Variants in STK39 observed in about 807,000 individuals in gnomAD.
STK39 encodes the protein serine/threonine kinase 39.
A neutral mutation model predicts 77.8 loss-of-function variants in STK39; 20 were observed. That is an observed-to-expected ratio of 0.26 (90% CI 0.18 to 0.37). The LOEUF is 0.37. Ranked by LOEUF, STK39 falls within the 10% of genes least tolerant of loss-of-function variation. STK39 has a pLI of 1.00. For missense variants in STK39, 479 were observed against 656.5 expected (o/e 0.73, Z 2.95); for synonymous variants, 246 against 234.1 (o/e 1.05, Z -0.47).
intron 12 of STK39, among the ~76,000 whole-genome samples, chr2:168,073,430 G>T (rs928016049): frequency 1.3e-5 from 2 of 152,248 alleles, no homozygotes. Context: ...CTTTTAGTAA[G>T]AAATACTCTT....
intron 10 of STK39, among the ~76,000 whole-genome samples, chr2:168,099,701 T>A (rs189238153): frequency 7.9e-5 from 12 of 152,364 alleles, no homozygotes; most frequent in Admixed American, 7.2e-4. Flanking sequence ...TCAGTTTCAC[T>A]GAATTGAGAA....
chr2:168,241,767 GCTAAGA>G (rs1477066830), intron 1 of STK39, among the ~76,000 whole-genome samples: 1 of 152,188 alleles, frequency 6.6e-6, no homozygotes, highest in Non-Finnish European at 1.5e-5. Flanking sequence ...AGAAGTTATG[GCTAAGA>G]CTAATTGAAA....
chr2:168,063,621 T>A, intron 13 of STK39, 51 bp from the exon 14 acceptor site: 1 of 1,505,156 alleles, frequency 6.6e-7, no homozygotes, highest in Non-Finnish European at 9.1e-7. Context: ...AGGAAAGGAA[T>A]GAATAAAATC....
intron 14 of STK39, among the ~76,000 whole-genome samples, chr2:168,022,022 T>C (rs1684584924): frequency 6.6e-6 from 1 of 152,298 alleles, no homozygotes; most frequent in East Asian, 1.9e-4. Context: ...GTATATCCAC[T>C]GTTCTGTATC....
rs200339272 is a variant in STK39 at position 168,008,722 on chromosome 2, TAG to T, written c.1498+3910_1498+3911del. 5.7e-3 allele frequency among the ~76,000 whole-genome samples: 872 copies of T among 152,016 alleles called. 4 individuals carry two copies. The highest frequency in any genetic ancestry group is 0.02 in the African/African-American group (832 of 41,478). On this transcript the variant is annotated intron_variant, in intron 16 of 17. Transcript: ENST00000355999. Reference sequence around the variant, plus strand: ...CTTGGACACATCAAGATTTATAGGTTAGAGAGATGAGGAGGAACCAACAAAAA... The same window carrying T: ...CTTGGACACATCAAGATTTATAGGTTAGAGATGAGGAGGAACCAACAAAAA...
intron 1 of STK39, among the ~76,000 whole-genome samples, chr2:168,197,110 T>C (rs893913191): frequency 2.6e-5 from 4 of 152,022 alleles, no homozygotes; most frequent in African/African-American, 9.7e-5. Flanking sequence ...GCCTGGTTGG[T>C]TAGGGTGTTG....
intron 10 of STK39, among the ~76,000 whole-genome samples, chr2:168,129,204 T>A (rs1232665685): frequency 6.6e-6 from 1 of 152,356 alleles, no homozygotes; most frequent in Non-Finnish European, 1.5e-5. Flanking sequence ...AAAGTGAGCA[T>A]GCCTCTTCTG....
chr2:168,102,746 G>A (rs975666228), intron 10 of STK39, among the ~76,000 whole-genome samples: 3 of 151,840 alleles, frequency 2.0e-5, no homozygotes, highest in African/African-American at 4.8e-5. Flanking sequence ...TGGCTAACAC[G>A]GTGAAACCCC....
chr2:168,154,170 T>C (rs1688366329), intron 5 of STK39, among the ~76,000 whole-genome samples: 1 of 152,180 alleles, frequency 6.6e-6, no homozygotes, highest in African/African-American at 2.4e-5. Context: ...TCGAGGAATA[T>C]CAAGATTTCT....
At chr2:167,973,475 A>G (rs746983109) in intron 16 of STK39, among the ~76,000 whole-genome samples, 5 of 152,244 alleles carry the variant, frequency 3.3e-5, no homozygotes, top group Non-Finnish European at 4.4e-5. Context: ...TTCTTGTCCT[A>G]AAGTAAAATA....
At chr2:168,200,389 G>T (rs1029405842) in intron 1 of STK39, among the ~76,000 whole-genome samples, 1 of 152,130 alleles carries the variant, frequency 6.6e-6, no homozygotes, top group African/African-American at 2.4e-5. Context: ...CTTAAGCTGG[G>T]CATGGTGACT....
At chr2:168,184,041 TC>T (rs930885274) in intron 1 of STK39, among the ~76,000 whole-genome samples, 1 of 151,784 alleles carries the variant, frequency 6.6e-6, no homozygotes, top group Admixed American at 6.6e-5. Context: ...GCAATAAATC[TC>T]CCCCCAGCTC....
intron 1 of STK39, among the ~76,000 whole-genome samples, chr2:168,219,454 G>T (rs1433989885): frequency 6.6e-6 from 1 of 152,072 alleles, no homozygotes; most frequent in African/African-American, 2.4e-5. Flanking sequence ...ACTTCCTCAG[G>T]GAGAAGGAGG....
At chr2:167,994,366 A>G (rs1683777735) in intron 16 of STK39, among the ~76,000 whole-genome samples, 1 of 152,254 alleles carries the variant, frequency 6.6e-6, no homozygotes, top group African/African-American at 2.4e-5. Context: ...ACTGATTTTA[A>G]TATGTATATA....
intron 16 of STK39, among the ~76,000 whole-genome samples, chr2:167,972,813 T>C (rs756944586): frequency 4.6e-5 from 7 of 152,114 alleles, no homozygotes; most frequent in Non-Finnish European, 8.8e-5. Context: ...TCTGTTTTCC[T>C]CATGGAACCC....
chr2:168,234,291 T>C (rs889648081), intron 1 of STK39, among the ~76,000 whole-genome samples: 1 of 152,262 alleles, frequency 6.6e-6, no homozygotes, highest in Non-Finnish European at 1.5e-5. Flanking sequence ...AAGGCAGTCG[T>C]AGCCACAGTT....
chr2:167,962,629 G>A (rs12327902), intron 17 of STK39, among the ~76,000 whole-genome samples: 1,906 of 152,314 alleles, frequency 0.013, 35 homozygotes, highest in African/African-American at 0.042. Flanking sequence ...TGCCTGACAG[G>A]CCACTATTAC....
At chr2:168,246,895 C>T (rs1690924534) in intron 1 of STK39, among the ~76,000 whole-genome samples, 1 of 151,720 alleles carries the variant, frequency 6.6e-6, no homozygotes, top group Non-Finnish European at 1.5e-5. Context: ...TCCCGGCACG[C>T]GGGGGGAGGA....
intron 5 of STK39, among the ~76,000 whole-genome samples, chr2:168,149,381 C>T (rs1559120976): frequency 6.6e-6 from 1 of 152,230 alleles, no homozygotes; most frequent in Non-Finnish European, 1.5e-5. Context: ...GCAGGTGCTG[C>T]CCAATCCCCA....
Sources: allele counts gnomAD v4.1 joint callset (sites outside exome capture counted in the v4.1 genomes callset), GRCh38; gene constraint gnomAD v4.1.1; transcripts MANE v1.5; gene names NCBI Gene and HGNC (gene_info 2026-07-23, HGNC 2026-07-21).